PACSIN2: variants seen among roughly 807,000 people sequenced by gnomAD.
The protein encoded by PACSIN2 is protein kinase C and casein kinase substrate in neurons 2, also known as protein kinase C and casein kinase substrate in neurons protein 2.
A neutral mutation model predicts 63.8 loss-of-function variants in PACSIN2; 25 were observed. That is an observed-to-expected ratio of 0.39 (90% CI 0.29 to 0.55). PACSIN2 has a LOEUF of 0.55. Ranked by LOEUF, PACSIN2 falls within the 20% of genes least tolerant of loss-of-function variation. The probability of loss-of-function intolerance (pLI) is 0.62; values close to 1 mark genes in which losing one functional copy is unlikely to be tolerated. For missense variants in PACSIN2, 518 were observed against 646.9 expected (o/e 0.80, Z 2.16); for synonymous variants, 255 against 256.2 (o/e 1.00, Z 0.05).
At chr22:42,910,151 G>A (rs1183756301) in intron 2 of PACSIN2, among the ~76,000 whole-genome samples, 1 of 152,156 alleles carries the variant, frequency 6.6e-6, no homozygotes, top group East Asian at 1.9e-4. Context: ...CCAAAGCAAT[G>A]TCTTCACCTG....
At chr22:42,952,563 T>C (rs537861716) in intron 1 of PACSIN2, among the ~76,000 whole-genome samples, 1 of 152,134 alleles carries the variant, frequency 6.6e-6, no homozygotes, top group Non-Finnish European at 1.5e-5. Flanking sequence ...GTTTTCACAT[T>C]GGCCAGGATG....
At chr22:43,005,303 G>A (rs1335548858) in intron 1 of PACSIN2, among the ~76,000 whole-genome samples, 1 of 152,160 alleles carries the variant, frequency 6.6e-6, no homozygotes, top group Middle Eastern at 3.2e-3. Context: ...CTTCACCCCA[G>A]GGTCAGGCTT....
intron 1 of PACSIN2, among the ~76,000 whole-genome samples, chr22:43,010,896 T>C (rs2146932178): frequency 6.6e-6 from 1 of 152,364 alleles, no homozygotes; most frequent in South Asian, 2.1e-4. Flanking sequence ...TTATGTGTGC[T>C]TTTCATCAAA....
intron 1 of PACSIN2, among the ~76,000 whole-genome samples, chr22:42,982,665 T>C (rs528049308): frequency 3.5e-4 from 46 of 132,482 alleles, no homozygotes; most frequent in African/African-American, 1.3e-3. Context: ...AAACAGATGC[T>C]TGAAGGCAGC....
intron 2 of PACSIN2, among the ~76,000 whole-genome samples, chr22:42,901,072 G>A (rs1018181477): frequency 1.7e-4 from 26 of 152,088 alleles, no homozygotes; most frequent in African/African-American, 6.0e-4. Flanking sequence ...TTCTAGGACC[G>A]GTTGCCAAGG....
Position 42,943,701 on chromosome 22 carries a change from A to AT in PACSIN2, c.-77-31545dup, listed in dbSNP as rs916820061. 4.9e-4 allele frequency among the ~76,000 whole-genome samples: 75 copies of AT among 152,318 alleles called. 1 individual carries two copies. Among genetic ancestry groups the AT allele is most frequent in the African/African-American group, 1.7e-3 (72 of 41,562 alleles). ...AGATTAAAACCACCTGACATTATAT[A>AT]TTTTGATGAATTTCAAGTGTCATAA... On this transcript the variant is annotated intron_variant, in intron 1 of 10. Coordinates refer to ENST00000263246, the MANE Select transcript of PACSIN2 (RefSeq NM_001184970.3).
At chr22:42,893,719 C>CGCATACCCTGCCCT in intron 2 of PACSIN2, 106 bp from the exon 3 acceptor site, 1 of 1,085,144 alleles carries the variant, frequency 9.2e-7, no homozygotes, top group Non-Finnish European at 1.4e-6. Flanking sequence ...CCCCTGGGGT[C>CGCATACCCTGCCCT]ATGTTTACCA....
At chr22:42,876,026 C>A in intron 10 of PACSIN2, 111 bp downstream of exon 10, 1 of 885,938 alleles carries the variant, frequency 1.1e-6, no homozygotes, top group Non-Finnish European at 1.7e-6. Flanking sequence ...CCTGCAGTGA[C>A]TCACAAGTGA....
chr22:42,938,500 C>G (rs923798774), intron 1 of PACSIN2, among the ~76,000 whole-genome samples: 2 of 152,202 alleles, frequency 1.3e-5, no homozygotes, highest in Non-Finnish European at 2.9e-5. Context: ...GGCTCAGAAG[C>G]AGGTAGGGAA....
intron 1 of PACSIN2, among the ~76,000 whole-genome samples, chr22:42,980,361 A>G (rs540069631): frequency 1.3e-5 from 2 of 152,250 alleles, no homozygotes; most frequent in African/African-American, 4.8e-5. Context: ...TAAAAATCAA[A>G]AACACTAGCT....
In PACSIN2 at chr22:42,876,988, G is replaced by C; in HGVS notation, c.1051C>G (p.Pro351Ala). Residue 351 changes from proline (P) to alanine (A), a missense_variant, in exon 9 of 11, where the codon CCC (proline) becomes GCC (alanine). Around this residue, in one of 2 missense-constraint regions of PACSIN2, gnomAD observed 507 missense variants for 612.3 expected, o/e 0.83. Coordinates refer to ENST00000263246, the MANE Select transcript of PACSIN2 (RefSeq NM_001184970.3). ...PSSTLNVPSN[P>A]AQSAQSQSSY... ...GACTGTGACTGCGCAGACTGGGCGG[G>C]GTTGCTCGGGACATTAAGGGTGCTA... 1 of 1,614,188 alleles carries C rather than the reference G, an allele frequency of 6.2e-7. No homozygotes were observed. The highest frequency in any genetic ancestry group is 8.5e-7 in the Non-Finnish European group (1 of 1,180,030).
intron 5 of PACSIN2, among the ~76,000 whole-genome samples, chr22:42,886,201 G>A (rs1369067946): frequency 6.6e-6 from 1 of 152,212 alleles, no homozygotes; most frequent in East Asian, 1.9e-4. Context: ...TACTCAGCAG[G>A]GTCATCACTG....
chr22:42,958,220 G>C (rs532299978), intron 1 of PACSIN2, among the ~76,000 whole-genome samples: 1 of 151,900 alleles, frequency 6.6e-6, no homozygotes, highest in Admixed American at 6.6e-5. Context: ...GGCTACCAAC[G>C]AGACGAGTGA....
intron 1 of PACSIN2, among the ~76,000 whole-genome samples, chr22:42,918,636 C>T (rs936252478): frequency 1.3e-5 from 2 of 152,194 alleles, no homozygotes; most frequent in Admixed American, 1.3e-4. Flanking sequence ...CTGCCCAACT[C>T]CAACAAGACA....
chr22:42,963,854 T>C (rs999348979), intron 1 of PACSIN2, among the ~76,000 whole-genome samples: 1 of 151,532 alleles, frequency 6.6e-6, no homozygotes, highest in Non-Finnish European at 1.5e-5. Flanking sequence ...CAATTTTTTT[T>C]TCACCACTTC....
intron 2 of PACSIN2, among the ~76,000 whole-genome samples, chr22:42,904,519 G>A (rs887470563): frequency 1.3e-5 from 2 of 152,184 alleles, no homozygotes; most frequent in African/African-American, 4.8e-5. Context: ...GAAGACCTGA[G>A]GCTTTTGGCA....
intron 1 of PACSIN2, among the ~76,000 whole-genome samples, chr22:42,935,394 G>A (rs1206897925): frequency 6.6e-6 from 1 of 152,074 alleles, no homozygotes; most frequent in Non-Finnish European, 1.5e-5. Context: ...TGCACAGACT[G>A]CCCCTCTTCC....
At chr22:43,013,019 T>A (rs753467686) in intron 1 of PACSIN2, among the ~76,000 whole-genome samples, 1 of 152,066 alleles carries the variant, frequency 6.6e-6, no homozygotes, top group Non-Finnish European at 1.5e-5. Context: ...CTCTAAGTTC[T>A]GACCTCAGGT....
intron 1 of PACSIN2, among the ~76,000 whole-genome samples, chr22:42,915,399 C>T (rs1328184361): frequency 6.6e-6 from 1 of 152,188 alleles, no homozygotes; most frequent in African/African-American, 2.4e-5. Flanking sequence ...CTGGGAAAGG[C>T]CCATACTTAT....
Sources: allele counts gnomAD v4.1 joint callset (sites outside exome capture counted in the v4.1 genomes callset), GRCh38; gene constraint gnomAD v4.1.1; regional missense constraint gnomAD v4.1.1; transcripts MANE v1.5; gene names NCBI Gene and HGNC (gene_info 2026-07-23, HGNC 2026-07-21).